CCDC7: variants seen among roughly 807,000 people sequenced by gnomAD.
The protein encoded by CCDC7 is coiled-coil domain-containing protein 7.
In CCDC7, 183 loss-of-function variants were observed where a neutral mutation model predicts 196.9. The observed-to-expected ratio is 0.93, with a 90% CI of 0.82 to 1.05. The LOEUF is 1.05. Ranked by LOEUF, CCDC7 falls within the 50% of genes least tolerant of loss-of-function variation. The pLI, the probability that CCDC7 is intolerant of heterozygous loss-of-function variation, is 0.00. For missense variants in CCDC7, 1,540 were observed against 1,482.2 expected (o/e 1.04, Z -0.64); for synonymous variants, 525 against 484.6 (o/e 1.08, Z -1.10).
chr10:32,810,370 A>T (rs2135313540), intron 30 of CCDC7, among the ~76,000 whole-genome samples: 1 of 152,278 alleles, frequency 6.6e-6, no homozygotes, highest in East Asian at 1.9e-4. Flanking sequence ...GAGTAGCTGT[A>T]CTTATTTCAG....
At chr10:32,819,103 A>G (rs1375219602) in intron 31 of CCDC7, among the ~76,000 whole-genome samples, 1 of 152,230 alleles carries the variant, frequency 6.6e-6, no homozygotes, top group Non-Finnish European at 1.5e-5. Context: ...GAAGAATCAA[A>G]TAGACGCAAT....
At chr10:32,607,675 C>A (rs2061681283) in intron 18 of CCDC7, among the ~76,000 whole-genome samples, 1 of 152,080 alleles carries the variant, frequency 6.6e-6, no homozygotes, top group African/African-American at 2.4e-5. Flanking sequence ...TGAGGTGTAT[C>A]CCACTTGATC....
chr10:32,684,193 G>A (rs2076202530), intron 21 of CCDC7, among the ~76,000 whole-genome samples: 1 of 152,154 alleles, frequency 6.6e-6, no homozygotes, highest in Non-Finnish European at 1.5e-5. Context: ...CCACATTTCA[G>A]TATCCTAGAT....
intron 28 of CCDC7, among the ~76,000 whole-genome samples, chr10:32,777,016 C>T (rs1356052670): frequency 1.3e-5 from 2 of 152,132 alleles, no homozygotes; most frequent in Non-Finnish European, 2.9e-5. Flanking sequence ...ACCCAGATAG[C>T]ATAATACCCA....
intron 13 of CCDC7, among the ~76,000 whole-genome samples, chr10:32,554,970 G>T (rs762585870): frequency 5.9e-5 from 9 of 152,140 alleles, no homozygotes; most frequent in Non-Finnish European, 1.2e-4. Context: ...TTGTCTTTCT[G>T]TGCCTGGCTT....
chr10:32,652,661 A>C (rs1196477483), intron 20 of CCDC7, among the ~76,000 whole-genome samples: 1 of 152,170 alleles, frequency 6.6e-6, no homozygotes, highest in Non-Finnish European at 1.5e-5. Flanking sequence ...AACATTGGTC[A>C]CAAAGAAAAG....
chr10:32,517,786 TAAAAA>T (rs2047261997), intron 9 of CCDC7, among the ~76,000 whole-genome samples, 154 bp from the exon 11 acceptor site: 2 of 142,788 alleles, frequency 1.4e-5, no homozygotes, highest in Admixed American at 7.0e-5. Context: ...ATAAAATAAA[TAAAAA>T]GAAAAAGAAA....
chr10:32,817,165 A>G (rs1032434261), intron 31 of CCDC7, among the ~76,000 whole-genome samples: 21 of 152,316 alleles, frequency 1.4e-4, no homozygotes, highest in Middle Eastern at 6.8e-3. Context: ...GCTGAAAACC[A>G]TGGCACGAGA....
chr10:32,824,294 T>A (rs2090761699), intron 31 of CCDC7, among the ~76,000 whole-genome samples: 1 of 152,152 alleles, frequency 6.6e-6, no homozygotes, highest in Admixed American at 6.6e-5. Context: ...ATGGTCTTGG[T>A]CAAATCACTA....
chr10:32,456,981 C>G (rs1312166638), intron 3 of CCDC7, among the ~76,000 whole-genome samples: 3 of 151,582 alleles, frequency 2.0e-5, no homozygotes, highest in Non-Finnish European at 4.4e-5. Context: ...CGTCAAACAC[C>G]TAGCATTTCC....
rs147709572 is a variant in CCDC7, at chr10:32,552,243, G to A, written c.1134+7942G>A. On this transcript the variant is annotated intron_variant, in intron 13 of 41. Coordinates refer to ENST00000639629, the Ensembl canonical transcript of CCDC7. ...CCCTGCTTGCTTTTGGTGTCCATTT[G>A]CATGAAATGCCTTTTTCCACCCATT... 3.7e-3 allele frequency among the ~76,000 whole-genome samples: 552 copies of A among 149,436 alleles called. 3 individuals carry two copies. The highest frequency in any genetic ancestry group is 0.013 in the African/African-American group (512 of 39,696).
At chr10:32,662,990 C>T (rs1488774090) in intron 20 of CCDC7, among the ~76,000 whole-genome samples, 3 of 150,212 alleles carry the variant, frequency 2.0e-5, no homozygotes, top group Non-Finnish European at 4.4e-5. Context: ...ACAGTTGGAC[C>T]AAATTAGTCA....
chr10:32,490,736 T>C (rs1383364799), intron 8 of CCDC7, among the ~76,000 whole-genome samples: 1 of 151,968 alleles, frequency 6.6e-6, no homozygotes, highest in African/African-American at 2.4e-5. Flanking sequence ...AGGCAGAGCT[T>C]GCAGTGAGCT....
At chr10:32,561,564 G>A (rs1327502012) in intron 13 of CCDC7, among the ~76,000 whole-genome samples, 8 of 152,114 alleles carry the variant, frequency 5.3e-5, no homozygotes, top group South Asian at 2.1e-4. Flanking sequence ...GGTACATAAC[G>A]AAATGAAGGC....
chr10:32,777,754 C>T (rs989336107), intron 28 of CCDC7, among the ~76,000 whole-genome samples: 1 of 152,038 alleles, frequency 6.6e-6, no homozygotes, highest in Non-Finnish European at 1.5e-5. Context: ...ATCCCAGCTA[C>T]TCTGGAGGCT....
intron 18 of CCDC7, among the ~76,000 whole-genome samples, chr10:32,596,899 T>G (rs939562741): frequency 1.3e-5 from 2 of 152,240 alleles, no homozygotes; most frequent in African/African-American, 4.8e-5. Context: ...ACATCTGCTG[T>G]TAGTCTGATG....
At chr10:32,669,869 G>A (rs1433811690) in intron 21 of CCDC7, among the ~76,000 whole-genome samples, 1 of 151,912 alleles carries the variant, frequency 6.6e-6, no homozygotes, top group Non-Finnish European at 1.5e-5. Flanking sequence ...TTAACTTTCA[G>A]GGACAGTAGA....
intron 30 of CCDC7, among the ~76,000 whole-genome samples, chr10:32,806,699 G>A (rs923233360): frequency 6.6e-6 from 1 of 152,058 alleles, no homozygotes; most frequent in African/African-American, 2.4e-5. Context: ...AGAAAACAGA[G>A]AGAGAAAGGA....
chr10:32,848,785 T>C, intron 39 of CCDC7, 67 bp downstream of exon 40: 2 of 1,213,260 alleles, frequency 1.6e-6, no homozygotes, highest in Non-Finnish European at 2.4e-6. Context: ...AAAGTATGCT[T>C]TTTCATTTAC....
Sources: gnomAD v4.1 joint callset for allele counts (sites outside exome capture counted in the v4.1 genomes callset) on GRCh38, gnomAD v4.1.1 for gene constraint, MANE v1.5 for transcripts, NCBI Gene and HGNC (gene_info 2026-07-23, HGNC 2026-07-21) for gene names.